FHAD1: variants seen among roughly 807,000 people sequenced by gnomAD.
FHAD1 encodes the protein forkhead-associated domain-containing protein 1.
FHAD1 carries 146 observed loss-of-function variants against 191.3 expected under a neutral mutation model. That is an observed-to-expected ratio of 0.76 (90% CI 0.67 to 0.88). FHAD1 has a LOEUF of 0.88. FHAD1 is among the 40% of genes least tolerant of loss of function. The pLI is 0.00. For missense variants in FHAD1, 1,635 were observed against 1,785.8 expected (o/e 0.92, Z 1.52); for synonymous variants, 616 against 672.3 (o/e 0.92, Z 1.29).
In FHAD1 at chr1:15,308,640, A is replaced by G. The variant is rs201389821; in HGVS notation, c.943A>G (p.Lys315Glu). 1 of 1,551,624 alleles carries G rather than the reference A, an allele frequency of 6.4e-7. No homozygotes were observed. The highest frequency in any genetic ancestry group is 2.0e-5 in the Admixed American group (1 of 50,986). Residue 315 changes from lysine (K) to glutamate (E), a missense_variant, in exon 7 of 34, where the codon AAG becomes GAG. Coordinates refer to ENST00000688493, the MANE Select transcript of FHAD1 (RefSeq NM_001391957.1). The part of the protein sequence containing the change: ...QISALQKGYS[K>E]VLCQTLSERN... ...CAGTGCCCTACAGAAAGGCTACAGCAAGGTGCTGTGCCAGACCCTGTCAGA... is the reference window on the plus strand; with the variant it reads ...CAGTGCCCTACAGAAAGGCTACAGCGAGGTGCTGTGCCAGACCCTGTCAGA...
intron 2 of FHAD1, among the ~76,000 whole-genome samples, chr1:15,263,184 TTA>T (rs1434332488): frequency 2.0e-5 from 3 of 152,210 alleles, no homozygotes; most frequent in Non-Finnish European, 4.4e-5. Flanking sequence ...GTGGGGTTCT[TTA>T]TATATCATGG....
At chr1:15,237,559 A>G (rs978669331) in intron 1 of FHAD1, among the ~76,000 whole-genome samples, 5 of 151,976 alleles carry the variant, frequency 3.3e-5, no homozygotes, top group African/African-American at 1.2e-4. Context: ...CCTGGTGAGC[A>G]CTCGGCCCTT....
rs970777197 is a variant in FHAD1 at position 15,312,594 on chromosome 1, C to T, written c.1040-463C>T. Among the ~76,000 whole-genome samples the T allele has an allele frequency of 2.0e-5, 3 of 152,118 alleles. No homozygotes were observed. Among genetic ancestry groups the T allele is most frequent in the African/African-American group, 7.2e-5 (3 of 41,414 alleles). On this transcript the variant is annotated intron_variant, in intron 7 of 33. Transcript: ENST00000688493. The surrounding 1 kb of genome is among the most constrained non-coding windows in gnomAD (Gnocchi z 4.7). ...GGAGGATCGCCTGAGTCCAGGAGGTCGAGGCTGTAGTGAACCATGATCGTG... is the reference window on the plus strand; with the variant it reads ...GGAGGATCGCCTGAGTCCAGGAGGTTGAGGCTGTAGTGAACCATGATCGTG...
chr1:15,397,373 G>T lies in FHAD1; in HGVS notation c.4400G>T (p.Ser1467Ile). The T allele has an allele frequency of 1.3e-6, 2 of 1,545,836 alleles. No individual in the cohort carries two copies. The highest frequency in any genetic ancestry group is 8.7e-7 in the Non-Finnish European group (1 of 1,143,082). The change falls in exon 34 of 34, where the codon AGC (serine) becomes ATC (isoleucine). Residue 1467 changes from serine (S) to isoleucine (I), a missense_variant. Coordinates refer to ENST00000688493, the MANE Select transcript of FHAD1 (RefSeq NM_001391957.1). ...AGGAAAGAGACCTCCAGCAAGTCCAGCCAGAGCCTTTTGCATTCTAAGCCC... is the reference window on the plus strand; with the variant it reads ...AGGAAAGAGACCTCCAGCAAGTCCATCCAGAGCCTTTTGCATTCTAAGCCC... ...MLRKETSSKS[S>I]QSLLHSKPSG... is the part of the protein sequence containing the mutation.
In FHAD1 at chr1:15,254,868, G is replaced by T. The variant is rs1019297465; in HGVS notation, c.93+2991G>T. On this transcript the variant is annotated intron_variant, in intron 2 of 33. Coordinates refer to ENST00000688493, the MANE Select transcript of FHAD1 (RefSeq NM_001391957.1). The stretch of plus-strand genomic sequence containing the variant: ...TTTGGGAGAGATTTGCTTTAAGAAG[G>T]GATGTGGGGGACACAGGTCTGTTTT... Among the ~76,000 whole-genome samples the T allele has an allele frequency of 1.6e-4, 24 of 152,166 alleles. 1 individual carries two copies. The highest frequency in any genetic ancestry group is 5.8e-4 in the African/African-American group (24 of 41,418).
chr1:15,398,733 T>C (rs977390622), downstream of FHAD1, among the ~76,000 whole-genome samples: 8 of 151,676 alleles, frequency 5.3e-5, no homozygotes, highest in African/African-American at 1.9e-4. Flanking sequence ...AAGTTCTGCC[T>C]TCTCTCCATC....
chr1:15,394,236 C>G lies in FHAD1; in HGVS notation c.4323+2973C>G, dbSNP rs960231605. Among the ~76,000 whole-genome samples the G allele has an allele frequency of 4.6e-5, 7 of 152,198 alleles. No homozygotes were observed. In the South Asian group the frequency reaches 1.0e-3, roughly 23 times the overall value. ...AGCCCCTTCCGTGGTGCTTCCCATC[C>G]CATGCTTCTGGCAGCCCTGGGGCTG... On this transcript the variant is annotated intron_variant, in intron 33 of 33. Transcript: ENST00000688493.
Position 15,270,813 on chromosome 1 carries a change from G to A in FHAD1, c.94-1510G>A, listed in dbSNP as rs973751126. Among the ~76,000 whole-genome samples, 9 of 148,826 alleles carry A rather than the reference G, an allele frequency of 6.0e-5. No homozygotes were observed. The South Asian group carries it at 6.4e-4, about 11-fold the overall frequency. On this transcript the variant is annotated intron_variant, in intron 2 of 33. Transcript: ENST00000688493. ...TCCCAGCACTTTAGGAGGCTGGGGC[G>A]TGCGGATCATGAGGTCAGGAGTTTG...
intron 2 of FHAD1, among the ~76,000 whole-genome samples, chr1:15,261,651 A>C (rs910516185): frequency 5.3e-5 from 8 of 152,128 alleles, no homozygotes; most frequent in Admixed American, 3.3e-4. Context: ...TCTGATTGAC[A>C]GGAGGGAAGC....
chr1:15,393,430 G>GCGCACACA (rs148170141), intron 33 of FHAD1, among the ~76,000 whole-genome samples: 2 of 146,742 alleles, frequency 1.4e-5, no homozygotes, highest in African/African-American at 5.0e-5. Flanking sequence ...ACACACACAC[G>GCGCACACA]CACACACACA....
intron 3 of FHAD1, among the ~76,000 whole-genome samples, chr1:15,272,984 T>C (rs1656750543): frequency 6.6e-6 from 1 of 152,142 alleles, no homozygotes; most frequent in Admixed American, 6.5e-5. Context: ...AAACTCAGTG[T>C]CCAAGTAGAC....
chr1:15,299,339 C>T (rs12091800), intron 5 of FHAD1, among the ~76,000 whole-genome samples: 20,794 of 152,122 alleles, frequency 0.14, 2,425 homozygotes, highest in African/African-American at 0.32. Context: ...TCCCCTCCCC[C>T]GCTATCAGTT....
In FHAD1 at chr1:15,360,498, A is replaced by G; in HGVS notation, c.2757A>G (p.Leu919=). 2 of 1,551,426 alleles carry G rather than the reference A, an allele frequency of 1.3e-6. No individual in the cohort carries two copies. The highest frequency in any genetic ancestry group is 1.7e-6 in the Non-Finnish European group (2 of 1,146,866). Residue 919 remains leucine (L), a synonymous_variant, in exon 22 of 34, where the codon CTA becomes CTG. Coordinates refer to ENST00000688493, the MANE Select transcript of FHAD1 (RefSeq NM_001391957.1). The part of the protein sequence containing the change: ...KTKMIMVEER[L]ILQQKMVKAL... ...CCCAGATCATGGTGGAAGAGCGGCT[A>G]ATCCTGCAGCAGAAGATGGTAAAGG...
At chr1:15,266,493 C>T (rs151018570) in intron 2 of FHAD1, among the ~76,000 whole-genome samples, 10 of 152,030 alleles carry the variant, frequency 6.6e-5, no homozygotes, top group African/African-American at 4.8e-5. Flanking sequence ...ACCCCTCCCC[C>T]ACAACACTCA....
rs117066930 is a variant in FHAD1 at position 15,251,434 on chromosome 1, C to T, written c.-14-337C>T. Among the ~76,000 whole-genome samples the T allele has an allele frequency of 9.9e-3, 1,502 of 152,222 alleles. 78 individuals carry two copies. In the East Asian group the frequency reaches 0.13, roughly 14 times the overall value. On this transcript the variant is annotated intron_variant, in intron 1 of 33. Coordinates refer to ENST00000688493, the MANE Select transcript of FHAD1 (RefSeq NM_001391957.1). ...GTCAGATCACTAAGCTTATACTAAG[C>T]TTGATGGGAGGTGGAGAGCAATCAT...
chr1:15,390,344 CAA>C (rs59353142), intron 32 of FHAD1, among the ~76,000 whole-genome samples: 4,241 of 69,046 alleles, frequency 0.061, 40 homozygotes, highest in East Asian at 0.11. Context: ...GACTCTGTCT[CAA>C]AAAAAAAAAA....
chr1:15,269,355 G>T (rs1156572863), intron 2 of FHAD1, among the ~76,000 whole-genome samples: 1 of 152,086 alleles, frequency 6.6e-6, no homozygotes, highest in African/African-American at 2.4e-5. Context: ...ATTTTAAGTG[G>T]TATTTTCATT....
At chr1:15,393,430 G>GCACACACA (rs57536175) in intron 33 of FHAD1, among the ~76,000 whole-genome samples, 1,560 of 146,830 alleles carry the variant, frequency 0.011, 26 homozygotes, top group East Asian at 0.037. Flanking sequence ...ACACACACAC[G>GCACACACA]CACACACACA....
At chr1:15,353,704 C>CAAAAAAAAAAAAAAAA (rs60518389) in intron 20 of FHAD1, among the ~76,000 whole-genome samples, 6 of 60,984 alleles carry the variant, frequency 9.8e-5, no homozygotes, top group African/African-American at 3.3e-4. Context: ...GACTCCATCT[C>CAAAAAAAAAAAAAAAA]AAAAAAAAAA....
Sources: gnomAD v4.1 joint callset for allele counts (sites outside exome capture counted in the v4.1 genomes callset) on GRCh38, gnomAD v4.1.1 for gene constraint, Gnocchi (gnomAD v3.1) non-coding constraint, MANE v1.5 for transcripts, NCBI Gene and HGNC (gene_info 2026-07-23, HGNC 2026-07-21) for gene names.